The following TMEM108 variants were observed in gnomAD, a reference collection of about 807,000 sequenced individuals.
The protein encoded by TMEM108 is transmembrane protein 108.
A neutral mutation model predicts 35.1 loss-of-function variants in TMEM108; 12 were observed. The observed-to-expected ratio is 0.34, with a 90% CI of 0.22 to 0.55. The LOEUF (loss-of-function observed/expected upper bound fraction) is 0.55, where lower values mean the gene tolerates loss of function less well. TMEM108 is among the 20% of genes least tolerant of loss of function. TMEM108 has a pLI of 0.89. For synonymous variants in TMEM108, 287 were observed against 308.6 expected (o/e 0.93, Z 0.73); for missense variants, 680 against 753.3 (o/e 0.90, Z 1.14).
chr3:133,243,526 GC>G (rs2107662280), intron 3 of TMEM108, among the ~76,000 whole-genome samples: 1 of 126,894 alleles, frequency 7.9e-6, no homozygotes, highest in East Asian at 2.7e-4. Context: ...TTTTTCTGGG[GC>G]GGGGGGTGGG....
intron 3 of TMEM108, among the ~76,000 whole-genome samples, chr3:133,329,876 G>C (rs1261700260): frequency 2.6e-5 from 4 of 152,146 alleles, no homozygotes; most frequent in Admixed American, 2.6e-4. Flanking sequence ...TTATAGGATA[G>C]TGTGTGGTTA....
chr3:133,167,905 C>T (rs1431609389), intron 2 of TMEM108, among the ~76,000 whole-genome samples: 7 of 152,124 alleles, frequency 4.6e-5, no homozygotes, highest in East Asian at 1.9e-4. Context: ...GAGGAGGCAC[C>T]GAGAGCGAGT....
chr3:133,297,219 C>T (rs1447299299), intron 3 of TMEM108, among the ~76,000 whole-genome samples: 1 of 152,190 alleles, frequency 6.6e-6, no homozygotes, highest in Non-Finnish European at 1.5e-5. Context: ...AGGCACACTT[C>T]CCTCTGCCTG....
At chr3:133,140,088 A>G (rs1257958997) in intron 2 of TMEM108, among the ~76,000 whole-genome samples, 1 of 152,162 alleles carries the variant, frequency 6.6e-6, no homozygotes, top group Non-Finnish European at 1.5e-5. Context: ...TATGCCATTG[A>G]TCAGTTTTTA....
At chr3:133,177,409 A>T (rs1434861592) in intron 2 of TMEM108, among the ~76,000 whole-genome samples, 1 of 152,264 alleles carries the variant, frequency 6.6e-6, no homozygotes, top group Non-Finnish European at 1.5e-5. Context: ...TGATGCAAAA[A>T]ATCCTCAATA....
At chr3:133,343,465 A>C (rs1513365) in intron 3 of TMEM108, among the ~76,000 whole-genome samples, 5 of 151,960 alleles carry the variant, frequency 3.3e-5, no homozygotes, top group Admixed American at 3.3e-4. Context: ...CAAACTGTTA[A>C]GAACCAAGAT....
chr3:133,385,248 C>T (rs556884845), intron 4 of TMEM108, among the ~76,000 whole-genome samples: 15 of 152,296 alleles, frequency 9.8e-5, no homozygotes, highest in Admixed American at 2.0e-4. Flanking sequence ...TTGGAGCTTA[C>T]GGATCAAACA....
chr3:133,181,028 A>AAACAAAAC (rs1559859793), intron 2 of TMEM108, among the ~76,000 whole-genome samples: 2 of 144,770 alleles, frequency 1.4e-5, no homozygotes, highest in African/African-American at 5.6e-5. Flanking sequence ...AAAAAAAAAA[A>AAACAAAAC]AAAAAAAAAA....
chr3:133,191,110 G>A (rs1016783433), intron 2 of TMEM108, among the ~76,000 whole-genome samples: 1 of 152,142 alleles, frequency 6.6e-6, no homozygotes, highest in Non-Finnish European at 1.5e-5. Context: ...TGAAGTGACA[G>A]ACTATATTTT....
intron 3 of TMEM108, among the ~76,000 whole-genome samples, chr3:133,375,952 C>A (rs1408718084): frequency 6.6e-6 from 1 of 152,170 alleles, no homozygotes; most frequent in Non-Finnish European, 1.5e-5. Context: ...TCCCTTGGCA[C>A]CCACGGTGGC....
At chr3:133,382,483 C>T (rs138742678) in intron 4 of TMEM108, among the ~76,000 whole-genome samples, 116 of 152,392 alleles carry the variant, frequency 7.6e-4, no homozygotes, top group African/African-American at 2.5e-3. Context: ...CATCTGCCCC[C>T]TCTGGGGTAG....
intron 2 of TMEM108, among the ~76,000 whole-genome samples, chr3:133,099,340 T>C (rs1047542532): frequency 1.3e-5 from 2 of 152,150 alleles, no homozygotes; most frequent in African/African-American, 4.8e-5. Context: ...AAACCACTTT[T>C]TCCTCCTGGG....
At chr3:133,056,132 C>CATATA (rs879592135) in intron 2 of TMEM108, among the ~76,000 whole-genome samples, 18,839 of 151,680 alleles carry the variant, frequency 0.12, 1,319 homozygotes, top group African/African-American at 0.2. Flanking sequence ...ATTTTATTTC[C>CATATA]AGAGTTCTAT....
At chr3:133,287,009 G>A (rs924265655) in intron 3 of TMEM108, among the ~76,000 whole-genome samples, 6 of 151,968 alleles carry the variant, frequency 3.9e-5, no homozygotes, top group African/African-American at 1.5e-4. Context: ...CTATTTTTCC[G>A]CTTCCAACAG....
chr3:133,179,426 A>G (rs2107800902), intron 2 of TMEM108, among the ~76,000 whole-genome samples: 1 of 152,274 alleles, frequency 6.6e-6, no homozygotes, highest in African/African-American at 2.4e-5. Context: ...ACAATGATAG[A>G]CTGGATTAAG....
chr3:133,052,612 G>C (rs1481740984), intron 2 of TMEM108, among the ~76,000 whole-genome samples: 3 of 147,456 alleles, frequency 2.0e-5, no homozygotes, highest in African/African-American at 7.4e-5. Flanking sequence ...AAAACTTCTA[G>C]TTTCTAGTTT....
At chr3:133,046,906 C>T (rs1164219753) in intron 2 of TMEM108, among the ~76,000 whole-genome samples, 2 of 152,196 alleles carry the variant, frequency 1.3e-5, no homozygotes, top group African/African-American at 4.8e-5. Context: ...TGGCTCAATA[C>T]TGCTGAACCT....
chr3:133,133,953 C>T (rs780080192), intron 2 of TMEM108, among the ~76,000 whole-genome samples: 15 of 151,850 alleles, frequency 9.9e-5, no homozygotes, highest in Non-Finnish European at 1.3e-4. Flanking sequence ...TTAGTAGAGA[C>T]GGGGTTTCAC....
At chr3:133,370,871 AGTGTGT>A (rs71624013) in intron 3 of TMEM108, among the ~76,000 whole-genome samples, 20,748 of 125,198 alleles carry the variant, frequency 0.17, 1,931 homozygotes, top group Middle Eastern at 0.25. Context: ...CCCAGCCCAT[AGTGTGT>A]GTGTGTGTGT....
Sources: allele counts gnomAD v4.1 joint callset (sites outside exome capture counted in the v4.1 genomes callset), GRCh38; gene constraint gnomAD v4.1.1; transcripts MANE v1.5; gene names NCBI Gene and HGNC (gene_info 2026-07-23, HGNC 2026-07-21).